DGKK: variants seen among roughly 807,000 people sequenced by gnomAD.
DGKK encodes diacylglycerol kinase kappa.
A neutral mutation model predicts 92.2 loss-of-function variants in DGKK; 35 were observed. That is an observed-to-expected ratio of 0.38 (90% CI 0.29 to 0.50). DGKK has a LOEUF of 0.50. Among genes scored for constraint, DGKK ranks in the 20% least tolerant of loss-of-function variants. The probability of loss-of-function intolerance (pLI) is 0.92; values close to 1 mark genes in which losing one functional copy is unlikely to be tolerated. For missense variants in DGKK, 910 were observed against 992.2 expected, an observed-to-expected ratio of 0.92 and a Z score of 1.11; for synonymous variants, 368 against 360.6, an observed-to-expected ratio of 1.02 and a Z score of -0.23.
intron 18 of DGKK, among the ~76,000 whole-genome samples, chrX:50,380,960 GA>G (rs1924398882): frequency 9.0e-6 from 1 of 111,485 alleles, no homozygotes; most frequent in African/African-American, 3.3e-5. Flanking sequence ...AACCAATTCT[GA>G]AAAAAAGAAT....
At chrX:50,388,042 C>T (rs1924593759) in intron 13 of DGKK, among the ~76,000 whole-genome samples, 1 of 112,382 alleles carries the variant, frequency 8.9e-6, no homozygotes, top group Admixed American at 9.4e-5. Flanking sequence ...TGGGAGGACT[C>T]TCCCTGTGGG....
Position 50,380,153 on chromosome X carries a change from A to G in DGKK, c.2658-76T>C, listed in dbSNP as rs781895670. On this transcript the variant is annotated intron_variant, in intron 18 of 27. Coordinates refer to ENST00000611977, the MANE Select transcript of DGKK (RefSeq NM_001013742.4). Reference sequence around the variant, plus strand: ...AATGGTGGAAAAAGACAGGAAGGAAAACCATCTTACTTCTCAAATGCCTTC... The same window carrying G: ...AATGGTGGAAAAAGACAGGAAGGAAGACCATCTTACTTCTCAAATGCCTTC... The G allele has an allele frequency of 9.8e-4, 856 of 875,352 alleles. 1 individual carries two copies. Among genetic ancestry groups the G allele is most frequent in the Middle Eastern group, 1.9e-3 (7 of 3,632 alleles). The allele number at this position is 875,352 out of a possible 1,213,427, so 72.1% of individuals were successfully genotyped here.
At chrX:50,400,993 C>T (rs1557226553) in intron 8 of DGKK, 44 bp downstream of exon 8, 37 of 1,111,463 alleles carry the variant, frequency 3.3e-5, no homozygotes, top group Middle Eastern at 2.4e-4. Context: ...TGCACCTTCC[C>T]TACATGCCCA....
chrX:50,384,775 T>A lies in DGKK; in HGVS notation c.2397A>T (p.Ser799=), dbSNP rs782021718. 4 of 1,210,871 alleles carry A rather than the reference T, an allele frequency of 3.3e-6. No homozygotes were observed. The highest frequency in any genetic ancestry group is 4.5e-6 in the Non-Finnish European group (4 of 894,953). ...CTGGGTCATCTTCCAGGAAGAAAGT[T>A]GAACTAAAGTTCTTAACAGATATTG... ...RQTISVKNFS[S]TFFLEDDPED... Residue 799 remains serine (S), a synonymous_variant, in exon 16 of 28, where the codon TCA becomes TCT. Coordinates refer to ENST00000611977, the MANE Select transcript of DGKK (RefSeq NM_001013742.4).
chrX:50,408,746 C>T (rs1557227577), intron 4 of DGKK, among the ~76,000 whole-genome samples: 1 of 111,866 alleles, frequency 8.9e-6, no homozygotes, highest in African/African-American at 3.3e-5. Context: ...ATTTTGGAAG[C>T]ATATAGCTTG....
chrX:50,434,507 C>G (rs138767478), intron 1 of DGKK, among the ~76,000 whole-genome samples: 2 of 110,973 alleles, frequency 1.8e-5, no homozygotes, highest in African/African-American at 6.6e-5. Context: ...CATGATCTGA[C>G]TTGGGTGTGA....
chrX:50,468,499 G>T (rs1379723568), intron 1 of DGKK, among the ~76,000 whole-genome samples: 2 of 111,242 alleles, frequency 1.8e-5, no homozygotes, highest in Non-Finnish European at 3.8e-5. Flanking sequence ...GGAAGGGGAG[G>T]GATACATCCC....
chrX:50,469,495 C>T (rs1448729629), intron 1 of DGKK, among the ~76,000 whole-genome samples: 1 of 112,363 alleles, frequency 8.9e-6, no homozygotes, highest in Admixed American at 9.3e-5. Flanking sequence ...CCGGCAGAGG[C>T]GCCGGGCACC....
intron 4 of DGKK, among the ~76,000 whole-genome samples, chrX:50,411,824 C>T (rs1332707969): frequency 9.0e-6 from 1 of 111,230 alleles, no homozygotes; most frequent in African/African-American, 3.3e-5. Flanking sequence ...TTTAAAAAAA[C>T]CTAAAGACTC....
At chrX:50,435,301 C>G (rs1196554664) in intron 1 of DGKK, among the ~76,000 whole-genome samples, 1 of 112,109 alleles carries the variant, frequency 8.9e-6, no homozygotes, top group Non-Finnish European at 1.9e-5. Context: ...GTACCCATTT[C>G]TTTCCATTCA....
intron 4 of DGKK, among the ~76,000 whole-genome samples, chrX:50,413,667 C>T (rs1178263262): frequency 2.7e-5 from 3 of 111,759 alleles, no homozygotes; most frequent in Non-Finnish European, 5.6e-5. Flanking sequence ...CCACACCACA[C>T]CTGTTAGAAT....
intron 1 of DGKK, among the ~76,000 whole-genome samples, chrX:50,463,927 C>T (rs1210628743): frequency 9.1e-6 from 1 of 109,671 alleles, no homozygotes; most frequent in Non-Finnish European, 1.9e-5. Flanking sequence ...TCTCAAATTA[C>T]AAAAATTCTA....
chrX:50,435,343 G>T (rs782487232), intron 1 of DGKK, among the ~76,000 whole-genome samples: 1 of 111,973 alleles, frequency 8.9e-6, no homozygotes, highest in Non-Finnish European at 1.9e-5. Flanking sequence ...AGTGGGGATG[G>T]TGAGCCCACA....
intron 1 of DGKK, among the ~76,000 whole-genome samples, chrX:50,444,536 A>T (rs1926242408): frequency 9.0e-6 from 1 of 111,611 alleles, no homozygotes; most frequent in Non-Finnish European, 1.9e-5. Context: ...AAGTGAGAAC[A>T]TGCAGTATTT....
chrX:50,437,413 C>A (rs1926058034), intron 1 of DGKK, among the ~76,000 whole-genome samples: 1 of 111,543 alleles, frequency 9.0e-6, no homozygotes, highest in Non-Finnish European at 1.9e-5. Flanking sequence ...TCCCTGCAGG[C>A]AAACACCTGG....
rs782511416 is a variant in DGKK at position 50,388,556 on chromosome X, C to G, written c.1989G>C (p.Lys663Asn). ...ATELNKILKA[K>N]YPTEMIIATR... ...TTGCGATGATCATCTCTGTGGGGTA[C>G]TTGGCCTTCAGGATTTTGTTCAACT... The change falls in exon 13 of 28, where the codon AAG (lysine) becomes AAC (asparagine). Residue 663 changes from lysine (K) to asparagine (N), a missense_variant. Physicochemically the swap from Lys to Asn is moderately conservative, Grantham distance 94. Coordinates refer to ENST00000611977, the MANE Select transcript of DGKK (RefSeq NM_001013742.4). The G allele has an allele frequency of 8.3e-7, 1 of 1,209,117 alleles. No individual in the cohort carries two copies. The highest frequency in any genetic ancestry group is 1.1e-6 in the Non-Finnish European group (1 of 894,159).
chrX:50,435,713 G>T (rs185022632), intron 1 of DGKK, among the ~76,000 whole-genome samples: 3 of 97,293 alleles, frequency 3.1e-5, no homozygotes, highest in African/African-American at 6.9e-5. Context: ...AAAGGAGTGT[G>T]TGTGTGTATG....
chrX:50,379,787 G>A (rs1557224249), intron 19 of DGKK, 53 bp from the exon 20 acceptor site: 1 of 1,057,962 alleles, frequency 9.5e-7, no homozygotes, highest in Non-Finnish European at 1.3e-6. Context: ...GCAACATGAA[G>A]GAACATTTAC....
intron 18 of DGKK, among the ~76,000 whole-genome samples, chrX:50,382,280 G>A (rs1924432505): frequency 8.9e-6 from 1 of 112,002 alleles, no homozygotes; most frequent in African/African-American, 3.2e-5. Flanking sequence ...AAATCCACAG[G>A]TCTGGATTTG....
Sources: allele counts gnomAD v4.1 joint callset (sites outside exome capture counted in the v4.1 genomes callset), GRCh38; gene constraint gnomAD v4.1.1; transcripts MANE v1.5; gene names NCBI Gene and HGNC (gene_info 2026-07-23, HGNC 2026-07-21).